MYOM2: variants seen among roughly 807,000 people sequenced by gnomAD.
MYOM2 encodes myomesin-2.
In MYOM2, 254 loss-of-function variants were observed where a neutral mutation model predicts 187.6. The observed-to-expected ratio is 1.35, with a 90% CI of 1.22 to 1.50. The LOEUF (loss-of-function observed/expected upper bound fraction) is 1.50, where lower values mean the gene tolerates loss of function less well. MYOM2 is among the 40% of genes most tolerant of loss of function. The probability of loss-of-function intolerance (pLI) is 0.00; values close to 1 mark genes in which losing one functional copy is unlikely to be tolerated. For synonymous variants in MYOM2, 981 were observed against 753.8 expected (o/e 1.30, Z -4.94); for missense variants, 2,796 against 1,924.0 (o/e 1.45, Z -8.48).
intron 12 of MYOM2, 37 bp from the exon 13 acceptor site, chr8:2,079,523 C>T (rs372870481): frequency 7.5e-5 from 121 of 1,609,126 alleles, no homozygotes; most frequent in East Asian, 8.9e-5. Context: ...GGGAAAACTT[C>T]GCATGTCAAA....
intron 15 of MYOM2, among the ~76,000 whole-genome samples, chr8:2,091,817 G>C (rs960331290): frequency 6.6e-6 from 1 of 152,130 alleles, no homozygotes; most frequent in South Asian, 2.1e-4. Flanking sequence ...TGTGGCCCAG[G>C]TGGCCGGCAC....
chr8:2,116,591 A>G (rs1362945120), intron 27 of MYOM2, among the ~76,000 whole-genome samples: 1 of 152,210 alleles, frequency 6.6e-6, no homozygotes, highest in Non-Finnish European at 1.5e-5. Flanking sequence ...GGCTATTCCT[A>G]TCACCAGGAA....
rs148337899 is a variant in MYOM2, at chr8:2,050,857, G to A, written c.91G>A (p.Glu31Lys). The change falls in exon 2 of 37, where the codon GAA becomes AAA. Residue 31 changes from glutamate (E) to lysine (K), a missense_variant. Transcript: ENST00000262113. The part of the protein sequence containing the change: ...RNIQTRYLLD[E>K]YASKKRASTQ... ...TATTCAAACACGGTACCTGCTGGAC[G>A]AATATGCGTCAAAAAAGTAAGCTGA... 8.7e-6 allele frequency: 14 copies of A among 1,609,926 alleles called. No individual in the cohort carries two copies. Among genetic ancestry groups the A allele is most frequent in the Non-Finnish European group, 1.0e-5 (12 of 1,176,546 alleles).
chr8:2,059,086 G>A (rs1010851792), intron 5 of MYOM2, 67 bp from the exon 6 acceptor site: 2 of 1,364,226 alleles, frequency 1.5e-6, no homozygotes, highest in Non-Finnish European at 1.0e-6. Context: ...GGGGGAGCTG[G>A]GGCAGAATTG....
In MYOM2 at chr8:2,059,167, G is replaced by A. The variant is rs1264596343; in HGVS notation, c.575G>A (p.Ser192Asn). Residue 192 changes from serine to asparagine, a missense_variant, in exon 6 of 37, where the codon AGT becomes AAT. Transcript: ENST00000262113. ...CCCTCATTTAGGTACAAAGATGGCAGTCTGATTTGCCAGGCGGCTGAACCG... is the reference window on the plus strand; with the variant it reads ...CCCTCATTTAGGTACAAAGATGGCAATCTGATTTGCCAGGCGGCTGAACCG... Reference protein sequence around the residue: ...TPVVQWYKDGSLICQAAEPGK... With the variant: ...TPVVQWYKDGNLICQAAEPGK... 2 of 1,614,008 alleles carry A rather than the reference G, an allele frequency of 1.2e-6. No individual in the cohort carries two copies. Among genetic ancestry groups the A allele is most frequent in the Non-Finnish European group, 1.7e-6 (2 of 1,180,008 alleles).
At chr8:2,098,366 A>C (rs3779843) in intron 18 of MYOM2, among the ~76,000 whole-genome samples, 130,052 of 152,054 alleles carry the variant, frequency 0.86, 55,860 homozygotes, top group East Asian at 0.99. Flanking sequence ...CCCCAGGGAC[A>C]TGGGCAGCCC....
In MYOM2 at chr8:2,090,132, G is replaced by A. The variant is rs144139938; in HGVS notation, c.1769G>A (p.Arg590Gln). ...SYVFRVLSAN[R>Q]HGLSEPSEIT... is the part of the protein sequence containing the mutation. ...GTGTTCCGAGTGCTGTCAGCAAACC[G>A]GCATGGCCTGAGCGAACCTTCGGAG... is the stretch of plus-strand genomic sequence containing the variant. The change falls in exon 15 of 37, where the codon CGG (arginine) becomes CAG (glutamine). Residue 590 changes from arginine (R) to glutamine (Q), a missense_variant. Coordinates refer to ENST00000262113, the MANE Select transcript of MYOM2 (RefSeq NM_003970.4). The A allele has an allele frequency of 3.2e-5, 51 of 1,614,052 alleles. No homozygotes were observed. In the African/African-American group the frequency reaches 3.2e-4, roughly 10 times the overall value.
chr8:2,105,108 A>G (rs1305903365), intron 21 of MYOM2, among the ~76,000 whole-genome samples: 2 of 151,998 alleles, frequency 1.3e-5, no homozygotes, highest in Non-Finnish European at 2.9e-5. Flanking sequence ...CCACCTCCCA[A>G]CACCGTTGCA....
At chr8:2,064,472 C>T (rs145632353) in intron 6 of MYOM2, among the ~76,000 whole-genome samples, 11 of 152,164 alleles carry the variant, frequency 7.2e-5, no homozygotes, top group Admixed American at 7.2e-4. Context: ...GGGATCTTTG[C>T]TCCGGTGACG....
chr8:2,133,111 T>C (rs35433772), intron 32 of MYOM2, among the ~76,000 whole-genome samples: 19,674 of 151,900 alleles, frequency 0.13, 2,181 homozygotes, highest in African/African-American at 0.28. Flanking sequence ...CACAGGGTGT[T>C]TCCAGTTCTC....
chr8:2,096,147 C>A (rs77909501), intron 17 of MYOM2, 100 bp from the exon 18 acceptor site: 4 of 1,150,366 alleles, frequency 3.5e-6, no homozygotes, highest in Admixed American at 4.0e-5. Context: ...CCCGTCTCCA[C>A]GTTGCTTCCT....
Position 2,073,234 on chromosome 8 carries a change from C to T in MYOM2, c.959-105C>T, listed in dbSNP as rs374732332. 3.7e-5 allele frequency: 47 copies of T among 1,284,390 alleles called. No homozygotes were observed. In the African/African-American group the frequency reaches 6.5e-4, roughly 18 times the overall value. The allele number at this position is 1,284,390 out of a possible 1,614,324, so 79.6% of individuals were successfully genotyped here. On this transcript the variant is annotated intron_variant, in intron 9 of 36. Transcript: ENST00000262113. ...AGGCTCTGCCTTCCGTGGTGTCCAG[C>T]TCGACTGTCCTGTCCCGCTCTGAGA...
chr8:2,127,846 T>C (rs551755125), intron 31 of MYOM2: 10 of 153,740 alleles, frequency 6.5e-5, no homozygotes, highest in Non-Finnish European at 1.3e-4. Context: ...CTTCCTCAAC[T>C]CTGTCACGGA....
intron 11 of MYOM2, 132 bp from the exon 12 acceptor site, chr8:2,078,602 G>A: frequency 2.6e-6 from 2 of 765,138 alleles, no homozygotes; most frequent in Non-Finnish European, 4.3e-6. Context: ...CAATATCTTA[G>A]CAGCAAAGAT....
Position 2,078,863 on chromosome 8 carries a change from CA to C in MYOM2, c.1393del (p.Ile465SerfsTer101). ...FRVRAVNSAGISRPSRVSDAV... is the reference protein window; with the variant it reads ...FRVRAVNSAGXSRPSRVSDAV... ...GAGTGAGGGCAGTGAACAGTGCGGGCATCAGCCGACCCTCCAGGGTCTCTGA... is the reference window on the plus strand; with the variant it reads ...GAGTGAGGGCAGTGAACAGTGCGGGCTCAGCCGACCCTCCAGGGTCTCTGA... On this transcript the variant is annotated frameshift_variant, in exon 12 of 37. Coordinates refer to ENST00000262113, the MANE Select transcript of MYOM2 (RefSeq NM_003970.4). LOFTEE classifies it high-confidence loss of function. 6.2e-7 allele frequency: 1 copy of C among 1,614,086 alleles called. No homozygotes were observed. The highest frequency in any genetic ancestry group is 8.5e-7 in the Non-Finnish European group (1 of 1,179,942).
intron 11 of MYOM2, among the ~76,000 whole-genome samples, chr8:2,077,579 C>T (rs1819476094): frequency 6.6e-6 from 1 of 152,140 alleles, no homozygotes; most frequent in African/African-American, 2.4e-5. Flanking sequence ...GCAGGGAGTG[C>T]TGTTCCGGGC....
intron 3 of MYOM2, among the ~76,000 whole-genome samples, chr8:2,054,898 C>CAAGTACCTGGATACTGGGGAACG: frequency 7.8e-6 from 1 of 127,448 alleles, no homozygotes; most frequent in Non-Finnish European, 1.9e-5. Context: ...ACTGGGGAAC[C>CAAGTACCTGGATACTGGGGAACG]AAGTACCTGG....
At chr8:2,102,169 G>A (rs1383609664) in intron 20 of MYOM2, 1 of 152,574 alleles carries the variant, frequency 6.6e-6, no homozygotes, top group African/African-American at 2.4e-5. Flanking sequence ...GAATGAATGA[G>A]TCAGCTTCTA....
intron 6 of MYOM2, among the ~76,000 whole-genome samples, chr8:2,061,227 G>C (rs1011421416): frequency 1.3e-5 from 2 of 151,948 alleles, no homozygotes; most frequent in African/African-American, 4.8e-5. Flanking sequence ...TTTAGTGAGG[G>C]AGGGCGTCTC....
Sources: gnomAD v4.1 joint callset for allele counts (sites outside exome capture counted in the v4.1 genomes callset) on GRCh38, gnomAD v4.1.1 for gene constraint, MANE v1.5 for transcripts, NCBI Gene and HGNC (gene_info 2026-07-23, HGNC 2026-07-21) for gene names.